Variants in UNC5D observed in about 807,000 individuals in gnomAD.
UNC5D encodes unc-5 netrin receptor D, also known as netrin receptor UNC5D.
UNC5D carries 39 observed loss-of-function variants against 105.4 expected under a neutral mutation model. That is an observed-to-expected ratio of 0.37 (90% CI 0.29 to 0.48). The LOEUF is 0.48. Ranked by LOEUF, UNC5D falls within the 20% of genes least tolerant of loss-of-function variation. The pLI is 0.98. For synonymous variants in UNC5D, 452 were observed against 450.4 expected, an observed-to-expected ratio of 1.00 and a Z score of -0.04; for missense variants, 991 against 1,202.4, an observed-to-expected ratio of 0.82 and a Z score of 2.60.
At position 35,686,631 on chromosome 8, in the gene UNC5D, C is replaced by G. The variant is rs549027477; in HGVS notation, c.1006C>G (p.Pro336Ala). ...GCGGATCCGGGAGTGCACAGCACCA[C>G]CCCCGAGAAATGGGGGCAAATTCTG... ...HLRIRECTAP[P>A]PRNGGKFCEG... is the part of the protein sequence containing the mutation. Residue 336 changes from proline (P) to alanine (A), a missense_variant, in exon 7 of 17, where the codon CCC (proline) becomes GCC (alanine). Transcript: ENST00000404895. 1.9e-6 allele frequency: 3 copies of G among 1,606,990 alleles called. No homozygotes were observed. The African/African-American group carries it at 4.0e-5, about 22-fold the overall frequency.
intron 1 of UNC5D, among the ~76,000 whole-genome samples, chr8:35,469,062 C>T (rs1809519356): frequency 6.6e-6 from 1 of 152,158 alleles, no homozygotes; most frequent in Non-Finnish European, 1.5e-5. Context: ...TCTATTATTG[C>T]ACCTTCCTCA....
intron 16 of UNC5D, among the ~76,000 whole-genome samples, chr8:35,789,801 A>G (rs568781405): frequency 2.6e-4 from 39 of 152,258 alleles, no homozygotes; most frequent in African/African-American, 8.4e-4. Flanking sequence ...TTGCCAAAGT[A>G]GAGAGGGGTC....
At chr8:35,434,583 T>C (rs2128978056) in intron 1 of UNC5D, among the ~76,000 whole-genome samples, 1 of 152,264 alleles carries the variant, frequency 6.6e-6, no homozygotes, top group African/African-American at 2.4e-5. Flanking sequence ...TCTTCCACTT[T>C]AACTTTGTCT....
At position 35,419,521 on chromosome 8, in the gene UNC5D, G is replaced by C. The variant is rs1022285835; in HGVS notation, c.104-129771G>C. Among the ~76,000 whole-genome samples the C allele has an allele frequency of 3.3e-5, 5 of 152,204 alleles. 1 individual carries two copies. The highest frequency in any genetic ancestry group is 1.2e-4 in the African/African-American group (5 of 41,460). On this transcript the variant is annotated intron_variant, in intron 1 of 16. Transcript: ENST00000404895. ...ACTTGGAGAGTCCAGCAATCATGGA[G>C]CCCCAAAGGGTGTTGTGGCTTTTGC... is the stretch of plus-strand genomic sequence containing the variant.
intron 9 of UNC5D, chr8:35,724,250 G>A (rs1370485060): frequency 5.2e-6 from 8 of 1,531,360 alleles, no homozygotes; most frequent in Non-Finnish European, 7.0e-6. Flanking sequence ...TTTATTTTTA[G>A]CCAAGAATAT....
intron 1 of UNC5D, among the ~76,000 whole-genome samples, chr8:35,239,378 A>G (rs1428259574): frequency 3.9e-5 from 6 of 151,996 alleles, no homozygotes; most frequent in Non-Finnish European, 8.8e-5. Flanking sequence ...TGCTTCATAA[A>G]TTTGTTTCTA....
chr8:35,770,861 A>C (rs1801981323), intron 15 of UNC5D, among the ~76,000 whole-genome samples: 1 of 152,164 alleles, frequency 6.6e-6, no homozygotes, highest in Non-Finnish European at 1.5e-5. Flanking sequence ...AATAGTTGGA[A>C]TTTCTCATTG....
chr8:35,697,190 A>G (rs904557041), intron 7 of UNC5D, among the ~76,000 whole-genome samples: 1 of 151,984 alleles, frequency 6.6e-6, no homozygotes, highest in Non-Finnish European at 1.5e-5. Flanking sequence ...AGATACACAT[A>G]TATATACATA....
At chr8:35,380,231 G>T (rs1247770008) in intron 1 of UNC5D, among the ~76,000 whole-genome samples, 1 of 151,184 alleles carries the variant, frequency 6.6e-6, no homozygotes, top group East Asian at 2.0e-4. Context: ...GGGAGAGAGA[G>T]AGAGAGAGTG....
chr8:35,338,366 A>T (rs1313895386), intron 1 of UNC5D, among the ~76,000 whole-genome samples: 1 of 152,114 alleles, frequency 6.6e-6, no homozygotes. Flanking sequence ...TGATATTTTC[A>T]GCAATGTTCA....
chr8:35,307,562 T>A (rs1282775443), intron 1 of UNC5D, among the ~76,000 whole-genome samples: 1 of 152,020 alleles, frequency 6.6e-6, no homozygotes, highest in African/African-American at 2.4e-5. Context: ...CAAGAAAGAG[T>A]TAGCAGGGAT....
At chr8:35,769,279 C>G (rs922573327) in intron 15 of UNC5D, among the ~76,000 whole-genome samples, 20 of 152,140 alleles carry the variant, frequency 1.3e-4, no homozygotes, top group African/African-American at 4.8e-4. Flanking sequence ...AGAGACCTGA[C>G]TTGAAGATCA....
intron 7 of UNC5D, among the ~76,000 whole-genome samples, chr8:35,688,042 G>A (rs1368319681): frequency 6.6e-6 from 1 of 151,992 alleles, no homozygotes; most frequent in Non-Finnish European, 1.5e-5. Context: ...TGAAGCAAGA[G>A]AATGGCGTGA....
intron 1 of UNC5D, among the ~76,000 whole-genome samples, chr8:35,368,345 A>G (rs190108009): frequency 1.7e-4 from 26 of 152,170 alleles, no homozygotes; most frequent in Admixed American, 1.4e-3. Flanking sequence ...GTGCGCATGC[A>G]TGCACACCCA....
In UNC5D at chr8:35,408,765, GA is replaced by G. The variant is rs879938086; in HGVS notation, c.104-140517del. ...TATGTGGGTACATAGAGATTAAAAA[GA>G]AAAAAAAAACTACTACCAATCACAA... On this transcript the variant is annotated intron_variant, in intron 1 of 16. Coordinates refer to ENST00000404895, the MANE Select transcript of UNC5D (RefSeq NM_080872.4). 1.7e-4 allele frequency among the ~76,000 whole-genome samples: 25 copies of G among 145,050 alleles called. 1 individual carries two copies. The highest frequency in any genetic ancestry group is 5.3e-4 in the African/African-American group (21 of 39,652).
chr8:35,491,765 T>G lies in UNC5D; in HGVS notation c.104-57527T>G, dbSNP rs1269476738. On this transcript the variant is annotated intron_variant, in intron 1 of 16. Transcript: ENST00000404895. ...GATTAATTTTCCTCCTAGTATGCCA[T>G]GTCCTGCATCTTGTATTTTAAACTG... Among the ~76,000 whole-genome samples the G allele has an allele frequency of 2.0e-5, 3 of 152,190 alleles. No homozygotes were observed. The East Asian group carries it at 5.8e-4, about 29-fold the overall frequency.
intron 7 of UNC5D, among the ~76,000 whole-genome samples, chr8:35,702,398 A>ATGAG (rs1455314089): frequency 6.6e-6 from 1 of 152,124 alleles, no homozygotes; most frequent in Non-Finnish European, 1.5e-5. Context: ...GGGCCCAGGT[A>ATGAG]TGAGTATTTG....
intron 2 of UNC5D, among the ~76,000 whole-genome samples, chr8:35,555,719 G>A (rs369127927): frequency 3.3e-5 from 5 of 151,746 alleles, no homozygotes; most frequent in South Asian, 4.2e-4. Flanking sequence ...CCAGCTACTC[G>A]GGAGGCTGAG....
chr8:35,394,041 C>CT (rs1030034182), intron 1 of UNC5D, among the ~76,000 whole-genome samples: 3 of 149,822 alleles, frequency 2.0e-5, no homozygotes, highest in African/African-American at 4.9e-5. Flanking sequence ...TATCTTTTTC[C>CT]TTTTTTTTCT....
Sources: allele counts gnomAD v4.1 joint callset (sites outside exome capture counted in the v4.1 genomes callset), GRCh38; gene constraint gnomAD v4.1.1; transcripts MANE v1.5; gene names NCBI Gene and HGNC (gene_info 2026-07-23, HGNC 2026-07-21).